The following MFAP2 variants were observed in gnomAD, a reference collection of about 807,000 sequenced individuals.
MFAP2 encodes microfibril associated protein 2.
Under a neutral mutation model 30.6 loss-of-function variants are expected in MFAP2, and 23 were observed. The ratio of observed to expected loss-of-function variants is 0.75; its 90% CI spans 0.54 to 1.07. The LOEUF (loss-of-function observed/expected upper bound fraction) is 1.07, where lower values mean the gene tolerates loss of function less well. Ranked by LOEUF, MFAP2 falls within the 50% of genes least tolerant of loss-of-function variation. The probability of loss-of-function intolerance (pLI) is 0.00; values close to 1 mark genes in which losing one functional copy is unlikely to be tolerated. For synonymous variants in MFAP2, 73 were observed against 85.7 expected, an observed-to-expected ratio of 0.85 and a Z score of 0.82; for missense variants, 198 against 223.8, an observed-to-expected ratio of 0.88 and a Z score of 0.74.
rs112564340 is a variant in MFAP2, at chr1:16,977,227, C to T, written c.38-29G>A. On this transcript the variant is annotated intron_variant, in intron 2 of 8. Coordinates refer to ENST00000375535, the MANE Select transcript of MFAP2 (RefSeq NM_002403.4). ...TGGGGAGGCAAAGCATGTAGGGTAC[C>T]CCATCGGGAGGGGCAACGGGGGCCC... The T allele has an allele frequency of 9.5e-5, 152 of 1,608,382 alleles. No individual in the cohort carries two copies. The African/African-American group carries it at 1.8e-3, about 19-fold the overall frequency.
At chr1:16,980,349 T>TGGCTCCCCCCAAACTCG (rs1170281725) in intron 1 of MFAP2, among the ~76,000 whole-genome samples, 1 of 134,116 alleles carries the variant, frequency 7.5e-6, no homozygotes, top group Non-Finnish European at 1.6e-5. Flanking sequence ...ACCTCACCTC[T>TGGCTCCCCCCAAACTCG]GGCTCCCCCC....
upstream of MFAP2, chr1:16,980,625 GC>G (rs2076631577): frequency 6.6e-6 from 1 of 152,420 alleles, no homozygotes; most frequent in African/African-American, 2.4e-5. Flanking sequence ...GAGTCCGCCC[GC>G]CGGAGCCGCC....
chr1:16,975,599 C>G lies in MFAP2; in HGVS notation c.374+44G>C. The G allele has an allele frequency of 6.3e-7, 1 of 1,590,842 alleles. No individual in the cohort carries two copies. The highest frequency in any genetic ancestry group is 1.3e-5 in the African/African-American group (1 of 74,452). ...AGCTGTCCCCTGTGCCCTCTAGCCC[C>G]CCATGCTCCGGAATCCTCCCGACAG... is the stretch of plus-strand genomic sequence containing the variant. On this transcript the variant is annotated intron_variant, in intron 7 of 8. Transcript: ENST00000375535. The surrounding 1 kb of genome is among the most constrained non-coding windows in gnomAD (Gnocchi z 5.0).
rs115248593 is a variant in MFAP2 at position 16,977,650 on chromosome 1, C to T, written c.38-452G>A. The T allele has an allele frequency of 5.1e-3, 898 of 177,042 alleles. 10 individuals carry two copies. The highest frequency in any genetic ancestry group is 0.02 in the African/African-American group (857 of 42,212). The allele number at this position is 177,042 out of a possible 1,614,324, so 11.0% of individuals were successfully genotyped here. A position where few individuals can be genotyped will look rare whatever the true frequency, so the allele number is the denominator to read the frequency against. On this transcript the variant is annotated intron_variant, in intron 2 of 8. Transcript: ENST00000375535. ...ATGTCTGCTTGTTTCCTATTTGTCT[C>T]CCTTCCCTGGACTGGCAGCATGATG...
At chr1:16,978,210 C>T (rs962267197) in intron 2 of MFAP2, 27 bp downstream of exon 2, 1 of 1,560,148 alleles carries the variant, frequency 6.4e-7, no homozygotes, top group Non-Finnish European at 8.7e-7. Context: ...ATAAGAGGAG[C>T]TACCCCCTGC....
rs1570737330 is a variant in MFAP2, at chr1:16,976,045, T to C, written c.287-315A>G. ...GTGCCCACGCTCACAGAAGCCCACA[T>C]AGGAGCGCTCACACCAACCCACACG... On this transcript the variant is annotated intron_variant, in intron 6 of 8. Transcript: ENST00000375535. This position sits in a 1 kb window ranked among gnomAD's most constrained non-coding sequence, Gnocchi z 5.5. The C allele has an allele frequency of 2.2e-6, 1 of 464,110 alleles. No individual in the cohort carries two copies. Among genetic ancestry groups the C allele is most frequent in the Non-Finnish European group, 3.9e-6 (1 of 255,350 alleles). The allele number at this position is 464,110 out of a possible 1,614,324, so 28.7% of individuals were successfully genotyped here.
Position 16,975,189 on chromosome 1 carries a change from ACAT to A in MFAP2, c.448+77_448+79del. On this transcript the variant is annotated intron_variant, in intron 8 of 8. Coordinates refer to ENST00000375535, the MANE Select transcript of MFAP2 (RefSeq NM_002403.4). This position sits in a 1 kb window ranked among gnomAD's most constrained non-coding sequence, Gnocchi z 5.0. ...CTGGTGGATAATATGTGTTGAATAA[ACAT>A]CAGGTGGGTGGCTAGGTGGCCAGAT... The A allele has an allele frequency of 2.1e-6, 3 of 1,398,028 alleles. No individual in the cohort carries two copies. Among genetic ancestry groups the A allele is most frequent in the Non-Finnish European group, 3.0e-6 (3 of 995,726 alleles). 86.6% of individuals were successfully genotyped at this position (1,398,028 alleles called of 1,614,324 possible).
chr1:16,977,066 A>G (rs2076598925), intron 3 of MFAP2, 43 bp downstream of exon 3: 2 of 1,612,750 alleles, frequency 1.2e-6, no homozygotes, highest in African/African-American at 2.7e-5. Flanking sequence ...TGAGCCAGGC[A>G]CATCTGAGCA....
At chr1:16,980,644 C>T (rs900061154), upstream of MFAP2, 3 of 152,470 alleles carry the variant, frequency 2.0e-5, no homozygotes, top group African/African-American at 7.2e-5. Flanking sequence ...GCCCCTTGGC[C>T]CGCTCCGAGT....
chr1:16,975,890 C>CAA lies in MFAP2; in HGVS notation c.287-161_287-160insTT, dbSNP rs1379016799. Among the ~76,000 whole-genome samples the CAA allele has an allele frequency of 2.6e-5, 4 of 152,136 alleles. No individual in the cohort carries two copies. Among genetic ancestry groups the CAA allele is most frequent in the African/African-American group, 9.7e-5 (4 of 41,414 alleles). The stretch of plus-strand genomic sequence containing the variant: ...CCCACATAGACCCACGCAGCATTGT[C>CAA]AGACTTCCCAGGGCTGTAATATTCA... On this transcript the variant is annotated intron_variant, in intron 6 of 8. Transcript: ENST00000375535. The surrounding 1 kb of genome is among the most constrained non-coding windows in gnomAD (Gnocchi z 5.0).
intron 2 of MFAP2, 129 bp from the exon 3 acceptor site, chr1:16,977,327 C>T: frequency 1.2e-6 from 1 of 800,616 alleles, no homozygotes. Context: ...CAAGCAGATT[C>T]CTAGAGGATC....
At chr1:16,978,529 C>T (rs1193727343) in intron 1 of MFAP2, among the ~76,000 whole-genome samples, 1 of 152,188 alleles carries the variant, frequency 6.6e-6, no homozygotes. Context: ...CAGGGCTGAT[C>T]CTGACAAGCA....
At position 16,976,392 on chromosome 1, in the gene MFAP2, A is replaced by G. The variant is rs966117710; in HGVS notation, c.286+109T>C. On this transcript the variant is annotated intron_variant, in intron 6 of 8. Transcript: ENST00000375535. The surrounding 1 kb of genome is among the most constrained non-coding windows in gnomAD (Gnocchi z 5.5). ...CAGTCATACTGCCCACACTGCCAAG[A>G]GCCCACATGGGCAAGGGCCAAAGAC... The G allele has an allele frequency of 4.3e-6, 6 of 1,402,520 alleles. No individual in the cohort carries two copies. Among genetic ancestry groups the G allele is most frequent in the African/African-American group, 2.8e-5 (2 of 70,428 alleles). 86.9% of individuals were successfully genotyped at this position (1,402,520 alleles called of 1,614,324 possible).
chr1:16,978,256 G>T lies in MFAP2; in HGVS notation c.18C>A (p.Leu6=). ...ACTTACCAGGCAGGAATAGCAGGAA[G>T]AGGTAGGCAGCTCTCATGGCAACAA... MRAAY[L]FLLFLPAGLL... The change falls in exon 2 of 9, where the codon CTC becomes CTA. Residue 6 remains leucine, a synonymous_variant. Transcript: ENST00000375535. The T allele has an allele frequency of 6.3e-7, 1 of 1,578,062 alleles. No homozygotes were observed. The highest frequency in any genetic ancestry group is 1.2e-5 in the South Asian group (1 of 85,896).
At chr1:16,980,491 G>C (rs913111229) in intron 1 of MFAP2, 96 bp downstream of exon 1, 2 of 152,026 alleles carry the variant, frequency 1.3e-5, no homozygotes, top group Non-Finnish European at 2.9e-5. Flanking sequence ...CAGGATCGAG[G>C]ACCCAGAGAG....
upstream of MFAP2, chr1:16,980,835 C>T (rs900066726): frequency 2.6e-5 from 4 of 152,998 alleles, no homozygotes; most frequent in African/African-American, 4.8e-5. Flanking sequence ...AAAGCTTCCT[C>T]CTCCTCACAG....
At chr1:16,978,451 G>A (rs969526253) in intron 1 of MFAP2, 137 bp from the exon 2 acceptor site, 4 of 721,962 alleles carry the variant, frequency 5.5e-6, no homozygotes, top group Non-Finnish European at 9.2e-6. Flanking sequence ...GGAGTGGAGG[G>A]ACATCCCAGT....
Position 16,976,870 on chromosome 1 carries a change from C to T in MFAP2, c.154+27G>A, listed in dbSNP as rs375545399. The T allele has an allele frequency of 2.3e-5, 37 of 1,613,956 alleles. No homozygotes were observed. Among genetic ancestry groups the T allele is most frequent in the Middle Eastern group, 1.6e-4 (1 of 6,080 alleles). On this transcript the variant is annotated intron_variant, in intron 4 of 8. Coordinates refer to ENST00000375535, the MANE Select transcript of MFAP2 (RefSeq NM_002403.4). The surrounding 1 kb of genome is among the most constrained non-coding windows in gnomAD (Gnocchi z 5.5). ...GGTCTCCCCACCCCAGCTGCCGGCC[C>T]GTCCTATCCTACCCCTAGCCCGTTA... is the stretch of plus-strand genomic sequence containing the variant.
chr1:16,980,266 G>GGGCCCCCCCCCCCCCCCCCCC (rs1557656617), intron 1 of MFAP2, among the ~76,000 whole-genome samples: 1 of 66,636 alleles, frequency 1.5e-5, no homozygotes, highest in Admixed American at 1.3e-4. Context: ...ATTCCCACCG[G>GGGCCCCCCCCCCCCCCCCCCC]ACCCCCCCCC....
Sources: allele counts gnomAD v4.1 joint callset (sites outside exome capture counted in the v4.1 genomes callset), GRCh38; gene constraint gnomAD v4.1.1; non-coding constraint Gnocchi (gnomAD v3.1); transcripts MANE v1.5; gene names NCBI Gene and HGNC (gene_info 2026-07-23, HGNC 2026-07-21).